The following NOX3 variants were observed in gnomAD, a reference collection of about 807,000 sequenced individuals.
NOX3 encodes the protein NADPH oxidase catalytic subunit-like 3.
NOX3 carries 74 observed loss-of-function variants against 76.7 expected under a neutral mutation model. The ratio of observed to expected loss-of-function variants is 0.96; its 90% CI spans 0.80 to 1.17. NOX3 has a LOEUF of 1.17. NOX3 is among the 50% of genes most tolerant of loss of function. The pLI, the probability that NOX3 is intolerant of heterozygous loss-of-function variation, is 0.00. For missense variants in NOX3, 695 were observed against 703.3 expected, an observed-to-expected ratio of 0.99 and a Z score of 0.13; for synonymous variants, 263 against 261.1, an observed-to-expected ratio of 1.01 and a Z score of -0.07.
Position 155,440,145 on chromosome 6 carries a change from A to AAAC in NOX3, c.487-11_487-9dup, listed in dbSNP as rs747937926. The AAAC allele has an allele frequency of 2.6e-6, 4 of 1,553,022 alleles. No individual in the cohort carries two copies. Among genetic ancestry groups the AAAC allele is most frequent in the Non-Finnish European group, 3.5e-6 (4 of 1,154,050 alleles). On this transcript the variant is annotated splice_polypyrimidine_tract_variant and intron_variant, in intron 5 of 13. Coordinates refer to ENST00000159060, the MANE Select transcript of NOX3 (RefSeq NM_015718.3). ...CAATTCAGTGGTTGTGTTCTAAAAA[A>AAAC]AACAACAACAACAAAAAAAGAAACA...
At chr6:155,407,807 C>T (rs149037550) in intron 11 of NOX3, among the ~76,000 whole-genome samples, 6 of 152,162 alleles carry the variant, frequency 3.9e-5, no homozygotes, top group East Asian at 1.9e-4. Context: ...GCCTGGCAGG[C>T]GGAAAATGGT....
At chr6:155,437,832 AAC>A (rs1480549147) in intron 6 of NOX3, among the ~76,000 whole-genome samples, 3 of 152,212 alleles carry the variant, frequency 2.0e-5, no homozygotes, top group African/African-American at 7.2e-5. Context: ...AGTGGGCCTT[AAC>A]ACATTCCAAT....
At chr6:155,420,661 C>T (rs952393372) in intron 10 of NOX3, among the ~76,000 whole-genome samples, 8 of 152,060 alleles carry the variant, frequency 5.3e-5, no homozygotes, top group Admixed American at 3.3e-4. Flanking sequence ...AAATGACTGT[C>T]ATTTCTATTA....
intron 10 of NOX3, among the ~76,000 whole-genome samples, chr6:155,417,350 GT>G (rs1429216634): frequency 4.6e-5 from 7 of 152,172 alleles, no homozygotes; most frequent in Admixed American, 4.6e-4. Flanking sequence ...TTGGGGAGGT[GT>G]TTAGTTTGGG....
At chr6:155,433,132 C>T (rs1776856054) in intron 7 of NOX3, among the ~76,000 whole-genome samples, 1 of 152,138 alleles carries the variant, frequency 6.6e-6, no homozygotes. Flanking sequence ...CTGATATTTT[C>T]CACGTTGATA....
intron 5 of NOX3, 131 bp downstream of exon 5, chr6:155,443,142 A>G (rs923236651): frequency 1.9e-6 from 2 of 1,042,354 alleles, no homozygotes; most frequent in African/African-American, 3.2e-5. Flanking sequence ...TGTGAAATTG[A>G]AAACAAATTC....
intron 10 of NOX3, among the ~76,000 whole-genome samples, chr6:155,421,191 G>C (rs1046162294): frequency 6.6e-6 from 1 of 152,224 alleles, no homozygotes; most frequent in African/African-American, 2.4e-5. Context: ...GAAAGAGCCA[G>C]ATGAACCTAA....
At chr6:155,411,819 C>A (rs913992953) in intron 10 of NOX3, among the ~76,000 whole-genome samples, 4 of 152,152 alleles carry the variant, frequency 2.6e-5, no homozygotes, top group Admixed American at 6.5e-5. Context: ...CTAGCTACGG[C>A]CTCTGGAGAG....
intron 10 of NOX3, among the ~76,000 whole-genome samples, chr6:155,415,441 T>C (rs544754804): frequency 6.6e-6 from 1 of 152,332 alleles, no homozygotes; most frequent in East Asian, 1.9e-4. Flanking sequence ...TGTATGTCTT[T>C]ATATCCAAAA....
intron 10 of NOX3, among the ~76,000 whole-genome samples, chr6:155,411,693 C>T (rs904125425): frequency 1.3e-5 from 2 of 152,238 alleles, no homozygotes; most frequent in African/African-American, 2.4e-5. Flanking sequence ...CCTTTCACTG[C>T]TCCCAAAGGG....
Position 155,436,426 on chromosome 6 carries a change from C to T in NOX3, c.790G>A (p.Glu264Lys). 1 of 1,614,066 alleles carries T rather than the reference C, an allele frequency of 6.2e-7. No homozygotes were observed. Among genetic ancestry groups the T allele is most frequent in the Non-Finnish European group, 8.5e-7 (1 of 1,179,986 alleles). The change falls in exon 7 of 14, where the codon GAA becomes AAA. Residue 264 changes from glutamate (E) to lysine (K), a missense_variant. Glu to Lys is a moderately conservative substitution (Grantham distance 56). Coordinates refer to ENST00000159060, the MANE Select transcript of NOX3 (RefSeq NM_015718.3). Reference sequence around the variant, plus strand: ...CCTGGGTTCATTCTTACCGAGGGTTCCTTGCCAGAAAATTGAGGCACGGGG... The same window carrying T: ...CCTGGGTTCATTCTTACCGAGGGTTTCTTGCCAGAAAATTGAGGCACGGGG... ...QCPVPQFSGK[E>K]PSAWKWILGP... is the part of the protein sequence containing the mutation.
chr6:155,448,131 T>C (rs1194459433), intron 4 of NOX3, among the ~76,000 whole-genome samples: 4 of 152,308 alleles, frequency 2.6e-5, no homozygotes, highest in African/African-American at 9.6e-5. Flanking sequence ...TAACTTCTTT[T>C]AGGCCCTTTT....
rs142349696 is a variant in NOX3, at chr6:155,410,296, A to AGTGTGTGTGTGTGTGTGTGT, written c.1455+898_1455+917dup. Among the ~76,000 whole-genome samples the AGTGTGTGTGTGTGTGTGTGT allele has an allele frequency of 3.7e-3, 557 of 149,446 alleles. 5 individuals carry two copies. Among genetic ancestry groups the AGTGTGTGTGTGTGTGTGTGT allele is most frequent in the African/African-American group, 0.013 (533 of 40,866 alleles). ...AATTACAGTGATGTTCTATAAGGCC[A>AGTGTGTGTGTGTGTGTGTGT]GTGTGTGTGTGTGTGTGTGTGTGCG... is the stretch of plus-strand genomic sequence containing the variant. On this transcript the variant is annotated intron_variant, in intron 11 of 13. Coordinates refer to ENST00000159060, the MANE Select transcript of NOX3 (RefSeq NM_015718.3).
chr6:155,398,680 G>A (rs910405958), intron 12 of NOX3, among the ~76,000 whole-genome samples: 16 of 152,308 alleles, frequency 1.1e-4, no homozygotes, highest in African/African-American at 3.6e-4. Context: ...TGAGTTTATG[G>A]CTTAATGAAG....
chr6:155,421,786 C>T (rs149164089), intron 10 of NOX3, among the ~76,000 whole-genome samples: 259 of 152,254 alleles, frequency 1.7e-3, no homozygotes, highest in African/African-American at 5.6e-3. Flanking sequence ...TGAGCTACTG[C>T]GCCCCACCCC....
chr6:155,405,411 A>G (rs1776433906), intron 12 of NOX3, among the ~76,000 whole-genome samples: 1 of 152,002 alleles, frequency 6.6e-6, no homozygotes, highest in Non-Finnish European at 1.5e-5. Flanking sequence ...AGTTCTTGGA[A>G]CTCTTGTCCA....
At chr6:155,433,146 T>C (rs770198627) in intron 7 of NOX3, among the ~76,000 whole-genome samples, 1 of 152,190 alleles carries the variant, frequency 6.6e-6, no homozygotes, top group Non-Finnish European at 1.5e-5. Context: ...GTTGATAAAA[T>C]GTAATGGATT....
intron 12 of NOX3, among the ~76,000 whole-genome samples, chr6:155,400,027 G>T (rs1449559693): frequency 6.6e-6 from 1 of 152,138 alleles, no homozygotes; most frequent in African/African-American, 2.4e-5. Flanking sequence ...TGCAAAGATG[G>T]CTAACATTCA....
In NOX3 at chr6:155,439,947, T is replaced by C. The variant is rs369978939; in HGVS notation, c.668+9A>G. 1.9e-6 allele frequency: 3 copies of C among 1,610,398 alleles called. No individual in the cohort carries two copies. Among genetic ancestry groups the C allele is most frequent in the Non-Finnish European group, 2.5e-6 (3 of 1,178,538 alleles). ...AAAATCCTTGCAGAGGAGCGCAGTA[T>C]GGACTTACCCCGTCCCATGGATGGC... On this transcript the variant is annotated intron_variant, in intron 6 of 13. Transcript: ENST00000159060.
Sources: allele counts gnomAD v4.1 joint callset (sites outside exome capture counted in the v4.1 genomes callset), GRCh38; gene constraint gnomAD v4.1.1; transcripts MANE v1.5; gene names NCBI Gene and HGNC (gene_info 2026-07-23, HGNC 2026-07-21).